The following ADAM11 variants were observed in gnomAD, a reference collection of about 807,000 sequenced individuals.
ADAM11 encodes the protein disintegrin and metalloproteinase domain-containing protein 11.
ADAM11 carries 49 observed loss-of-function variants against 119.1 expected under a neutral mutation model. That is an observed-to-expected ratio of 0.41 (90% CI 0.33 to 0.52). ADAM11 has a LOEUF of 0.52. Ranked by LOEUF, ADAM11 falls within the 20% of genes least tolerant of loss-of-function variation. ADAM11 has a pLI of 0.20. For missense variants in ADAM11, 777 were observed against 1,047.5 expected (o/e 0.74, Z 3.56); for synonymous variants, 364 against 408.0 (o/e 0.89, Z 1.30).
intron 2 of ADAM11, among the ~76,000 whole-genome samples, chr17:44,763,465 C>T (rs1259643021): frequency 6.6e-6 from 1 of 152,240 alleles, no homozygotes; most frequent in African/African-American, 2.4e-5. Context: ...ACTCAACCCC[C>T]TCACTTCTGT....
chr17:44,761,819 T>C lies in ADAM11; in HGVS notation c.237+1922T>C, dbSNP rs2049392703. On this transcript the variant is annotated intron_variant, in intron 2 of 26. Transcript: ENST00000200557. Reference sequence around the variant, plus strand: ...TCACAACTCTGTAAGGCTTGTAACTTTTGTGTGTTTATGTGTGTGTGTGAT... The same window carrying C: ...TCACAACTCTGTAAGGCTTGTAACTCTTGTGTGTTTATGTGTGTGTGTGAT... Among the ~76,000 whole-genome samples the C allele has an allele frequency of 2.0e-5, 3 of 147,534 alleles. No homozygotes were observed. In the Admixed American group the frequency reaches 2.0e-4, roughly 10 times the overall value.
chr17:44,770,175 C>G, intron 4 of ADAM11, 127 bp downstream of exon 4: 2 of 1,152,140 alleles, frequency 1.7e-6, no homozygotes, highest in South Asian at 2.9e-5. Flanking sequence ...CCCTCAGCAC[C>G]TTCCCTCTCT....
At chr17:44,760,045 C>T in intron 2 of ADAM11, 148 bp downstream of exon 2, 1 of 836,018 alleles carries the variant, frequency 1.2e-6, no homozygotes, top group Non-Finnish European at 1.6e-6. Flanking sequence ...GGTGCTGGAG[C>T]CCACTGGTGG....
At position 44,778,030 on chromosome 17, in the gene ADAM11, A is replaced by G; in HGVS notation, c.2149A>G (p.Thr717Ala). Residue 717 changes from threonine to alanine, a missense_variant, in exon 24 of 27, where the codon ACG becomes GCG. Transcript: ENST00000200557. Reference sequence around the variant, plus strand: ...CTGCAGTATCCATAACCCCCTGCCCACGTCCCCACCCACGGGGGAGACGGA... The same window carrying G: ...CTGCAGTATCCATAACCCCCTGCCCGCGTCCCCACCCACGGGGGAGACGGA... ...KDCSIHNPLP[T>A]SPPTGETERY... 6.2e-7 allele frequency: 1 copy of G among 1,613,726 alleles called. No homozygotes were observed. Among genetic ancestry groups the G allele is most frequent in the Non-Finnish European group, 8.5e-7 (1 of 1,179,830 alleles).
rs913820003 is a variant in ADAM11 at position 44,779,110 on chromosome 17, C to T, written c.2277-112C>T. ...ATTAGTGTCCAGGCCCCGGGGACCCCGGCCCCGCTCTGGGGCAAGGGGTCG... is the reference window on the plus strand; with the variant it reads ...ATTAGTGTCCAGGCCCCGGGGACCCTGGCCCCGCTCTGGGGCAAGGGGTCG... On this transcript the variant is annotated intron_variant, in intron 25 of 26. Transcript: ENST00000200557. The T allele has an allele frequency of 6.4e-6, 9 of 1,416,704 alleles. No individual in the cohort carries two copies. The African/African-American group carries it at 9.0e-5, about 14-fold the overall frequency. The allele number at this position is 1,416,704 out of a possible 1,614,324, so 87.8% of individuals were successfully genotyped here. A position where few individuals can be genotyped will look rare whatever the true frequency, so the allele number is the denominator to read the frequency against.
Position 44,759,120 on chromosome 17 carries a change from C to A in ADAM11, c.-80C>A. On this transcript the variant is annotated 5_prime_UTR_variant, in exon 1 of 27. Transcript: ENST00000200557. ...CCCGCCCCGGCTCCGCAGCTGGCGC[C>A]TCCCCACCCCCGTCCCTGCTCCCGC... 1.4e-6 allele frequency: 1 copy of A among 718,072 alleles called. No homozygotes were observed. Among genetic ancestry groups the A allele is most frequent in the South Asian group, 6.2e-5 (1 of 16,076 alleles). The allele number at this position is 718,072 out of a possible 1,614,324, so 44.5% of individuals were successfully genotyped here. A position where few individuals can be genotyped will look rare whatever the true frequency, so the allele number is the denominator to read the frequency against.
Position 44,780,469 on chromosome 17 carries a change from G to A in ADAM11, c.*715G>A. On this transcript the variant is annotated 3_prime_UTR_variant, in exon 27 of 27. Transcript: ENST00000200557. The stretch of plus-strand genomic sequence containing the variant: ...TGCCATGCCCAAGGCCTAGGTTATG[G>A]GTACGGCAACCACATGTCCCAGATC... The A allele has an allele frequency of 3.5e-6, 1 of 286,244 alleles. No individual in the cohort carries two copies. The highest frequency in any genetic ancestry group is 6.7e-6 in the Non-Finnish European group (1 of 148,660). The allele number at this position is 286,244 out of a possible 1,614,324, so 17.7% of individuals were successfully genotyped here.
intron 1 of ADAM11, 149 bp from the exon 2 acceptor site, chr17:44,759,573 C>A: frequency 7.8e-7 from 1 of 1,287,248 alleles, no homozygotes; most frequent in Non-Finnish European, 9.8e-7. Context: ...CGGGCTCTTG[C>A]CTCTGCAGGG....
chr17:44,767,393 G>A (rs2049463936), intron 2 of ADAM11, among the ~76,000 whole-genome samples: 1 of 150,008 alleles, frequency 6.7e-6, no homozygotes, highest in Non-Finnish European at 1.5e-5. Context: ...TTGGCCTAAT[G>A]CTGGGCGGGC....
rs368289257 is a variant in ADAM11, at chr17:44,777,133, C to G, written c.1682-33C>G. On this transcript the variant is annotated intron_variant, in intron 20 of 26. Transcript: ENST00000200557. This position sits in a 1 kb window ranked among gnomAD's most constrained non-coding sequence, Gnocchi z 5.1. ...TGAGGTCTTGGGGTGGGTCCTGGGGCGCGTGGGGTCACTTGGCATCCTCTC... is the reference window on the plus strand; with the variant it reads ...TGAGGTCTTGGGGTGGGTCCTGGGGGGCGTGGGGTCACTTGGCATCCTCTC... 1.9e-6 allele frequency: 3 copies of G among 1,575,870 alleles called. No individual in the cohort carries two copies. The highest frequency in any genetic ancestry group is 2.6e-6 in the Non-Finnish European group (3 of 1,160,092).
chr17:44,781,072 G>A lies in ADAM11; in HGVS notation c.*1318G>A, dbSNP rs2049687793. On this transcript the variant is annotated 3_prime_UTR_variant, in exon 27 of 27. Transcript: ENST00000200557. ...AAAAGGTAGCTGGCAGGGGCAAGAT[G>A]GGGGCCAGCTACCTAATGGATGAAA... is the stretch of plus-strand genomic sequence containing the variant. The A allele has an allele frequency of 6.6e-6, 1 of 152,278 alleles. No homozygotes were observed. Among genetic ancestry groups the A allele is most frequent in the Non-Finnish European group, 1.5e-5 (1 of 68,068 alleles). The allele number at this position is 152,278 out of a possible 1,614,324, so 9.4% of individuals were successfully genotyped here.
At chr17:44,761,507 G>A (rs1245663202) in intron 2 of ADAM11, among the ~76,000 whole-genome samples, 1 of 152,066 alleles carries the variant, frequency 6.6e-6, no homozygotes, top group Admixed American at 6.5e-5. Flanking sequence ...AGGTGAGTGA[G>A]TGCATGTGAG....
chr17:44,766,820 C>T (rs369019063), intron 2 of ADAM11, among the ~76,000 whole-genome samples: 2 of 152,302 alleles, frequency 1.3e-5, no homozygotes, highest in South Asian at 4.1e-4. Context: ...AGGCCCCTCC[C>T]ACCAGGGATG....
rs138477018 is a variant in ADAM11, at chr17:44,778,077, AGCTG to A, written c.2185+14_2185+17del. On this transcript the variant is annotated intron_variant, in intron 24 of 26. Transcript: ENST00000200557. ...CGGAGAGATATAAAGGTGAGGCTGG[AGCTG>A]GCCGAGGGGGGTCTGTCTGTCCTGC... is the stretch of plus-strand genomic sequence containing the variant. The A allele has an allele frequency of 1.1e-3, 1,720 of 1,611,224 alleles. 10 individuals carry two copies. In the African/African-American group the frequency reaches 0.021, roughly 19 times the overall value.
chr17:44,770,186 C>G, intron 4 of ADAM11, 138 bp downstream of exon 4: 1 of 1,071,000 alleles, frequency 9.3e-7, no homozygotes, highest in Non-Finnish European at 1.3e-6. Flanking sequence ...TTCCCTCTCT[C>G]CCGACCCAGG....
Position 44,772,479 on chromosome 17 carries a change from G to T in ADAM11, c.678+13G>T, listed in dbSNP as rs201407176. On this transcript the variant is annotated intron_variant, in intron 8 of 26. Coordinates refer to ENST00000200557, the MANE Select transcript of ADAM11 (RefSeq NM_002390.6). This position sits in a 1 kb window ranked among gnomAD's most constrained non-coding sequence, Gnocchi z 4.5. The stretch of plus-strand genomic sequence containing the variant: ...AAGGAAAAGGCAGGTACGGGGGCCC[G>T]CACAGACCTCGGGCTGCAGAGACCT... The T allele has an allele frequency of 1.3e-6, 2 of 1,560,696 alleles. No individual in the cohort carries two copies. Among genetic ancestry groups the T allele is most frequent in the African/African-American group, 2.7e-5 (2 of 73,624 alleles).
At chr17:44,769,274 A>G (rs909754841) in intron 2 of ADAM11, among the ~76,000 whole-genome samples, 1 of 152,202 alleles carries the variant, frequency 6.6e-6, no homozygotes, top group African/African-American at 2.4e-5. Context: ...GTAGGGGGAC[A>G]GGCAGCGAGG....
At chr17:44,768,561 G>T (rs2049479621) in intron 2 of ADAM11, among the ~76,000 whole-genome samples, 1 of 152,256 alleles carries the variant, frequency 6.6e-6, no homozygotes, top group South Asian at 2.1e-4. Flanking sequence ...TTTCAGATGG[G>T]AATGGCAGTA....
Position 44,764,757 on chromosome 17 carries a change from C to A in ADAM11, c.237+4860C>A, listed in dbSNP as rs2049427353. ...ATGGGGATGCTCATAGTCTCCACCT[C>A]TCAGGCTGCTGCGAGGACTTGAGAT... On this transcript the variant is annotated intron_variant, in intron 2 of 26. Transcript: ENST00000200557. 2.0e-5 allele frequency among the ~76,000 whole-genome samples: 3 copies of A among 152,288 alleles called. No individual in the cohort carries two copies. The South Asian group carries it at 6.2e-4, about 32-fold the overall frequency.
Sources: gnomAD v4.1 joint callset for allele counts (sites outside exome capture counted in the v4.1 genomes callset) on GRCh38, gnomAD v4.1.1 for gene constraint, Gnocchi (gnomAD v3.1) non-coding constraint, MANE v1.5 for transcripts, NCBI Gene and HGNC (gene_info 2026-07-23, HGNC 2026-07-21) for gene names.